Variants in SEC14L1 observed in about 807,000 individuals in gnomAD.
SEC14L1 encodes SEC14-like protein 1.
A neutral mutation model predicts 85.3 loss-of-function variants in SEC14L1; 48 were observed. The ratio of observed to expected loss-of-function variants is 0.56; its 90% confidence interval spans 0.45 to 0.72. SEC14L1 has a LOEUF of 0.72. Among genes scored for constraint, SEC14L1 ranks in the 30% least tolerant of loss-of-function variants. SEC14L1 has a pLI of 0.00. For missense variants in SEC14L1, 682 were observed against 921.4 expected (o/e 0.74, Z 3.36); for synonymous variants, 391 against 355.5 (o/e 1.10, Z -1.12).
intron 3 of SEC14L1, among the ~76,000 whole-genome samples, chr17:77,111,331 G>T (rs1972040804): frequency 6.6e-6 from 1 of 152,004 alleles, no homozygotes; most frequent in Non-Finnish European, 1.5e-5. Flanking sequence ...AAAGACGTGG[G>T]ATTGATAGAA....
chr17:77,103,643 T>C (rs1971833542), intron 3 of SEC14L1, among the ~76,000 whole-genome samples: 1 of 149,144 alleles, frequency 6.7e-6, no homozygotes. Flanking sequence ...TATTTTGCCA[T>C]GTTGGCCAGG....
intron 3 of SEC14L1, among the ~76,000 whole-genome samples, chr17:77,117,758 T>C (rs1429968821): frequency 6.6e-6 from 1 of 152,226 alleles, no homozygotes; most frequent in East Asian, 1.9e-4. Context: ...TTTTGGTCTT[T>C]GAGACTCCCT....
intron 3 of SEC14L1, among the ~76,000 whole-genome samples, chr17:77,186,907 G>A (rs1336828832): frequency 1.3e-5 from 2 of 152,122 alleles, no homozygotes; most frequent in Non-Finnish European, 2.9e-5. Flanking sequence ...TAACACCAAA[G>A]GTTTCTTCCT....
intron 2 of SEC14L1, among the ~76,000 whole-genome samples, chr17:77,090,819 T>G (rs1160480396): frequency 6.6e-6 from 1 of 151,946 alleles, no homozygotes; most frequent in East Asian, 1.9e-4. Flanking sequence ...AGACCTTGTC[T>G]CTATGCAAAA....
chr17:77,096,522 A>C (rs1039144140), intron 3 of SEC14L1, among the ~76,000 whole-genome samples: 2 of 149,782 alleles, frequency 1.3e-5, no homozygotes, highest in Non-Finnish European at 3.0e-5. Flanking sequence ...GCGCCACTAC[A>C]CTCCAGCCTG....
chr17:77,166,649 T>C (rs1452232085), intron 3 of SEC14L1, among the ~76,000 whole-genome samples: 1 of 152,002 alleles, frequency 6.6e-6, no homozygotes, highest in Non-Finnish European at 1.5e-5. Context: ...AGACCAGCCT[T>C]GCCAACATGG....
intron 3 of SEC14L1, among the ~76,000 whole-genome samples, chr17:77,129,745 G>C (rs930121421): frequency 1.3e-5 from 2 of 152,170 alleles, no homozygotes; most frequent in African/African-American, 4.8e-5. Flanking sequence ...AATGGATTGA[G>C]GCTGCTTGAC....
At chr17:77,139,160 A>ATTTTTT, upstream of SEC14L1, among the ~76,000 whole-genome samples, 1 of 120,164 alleles carries the variant, frequency 8.3e-6, no homozygotes, top group Non-Finnish European at 1.7e-5. Context: ...GGTCAGGTGA[A>ATTTTTT]TTTTTTTTTT....
At chr17:77,133,383 C>T (rs1029073541) in intron 3 of SEC14L1, among the ~76,000 whole-genome samples, 3 of 152,218 alleles carry the variant, frequency 2.0e-5, no homozygotes, top group Non-Finnish European at 4.4e-5. Context: ...GCCCACCTGT[C>T]GGTGCCTATG....
intron 3 of SEC14L1, among the ~76,000 whole-genome samples, chr17:77,172,096 G>A (rs184108603): frequency 3.9e-5 from 6 of 152,058 alleles, no homozygotes; most frequent in Admixed American, 2.6e-4. Flanking sequence ...TTTTACTCCC[G>A]AAATAAAAAG....
At chr17:77,175,478 T>C (rs760201612) in intron 3 of SEC14L1, among the ~76,000 whole-genome samples, 1 of 152,254 alleles carries the variant, frequency 6.6e-6, no homozygotes, top group Non-Finnish European at 1.5e-5. Context: ...TGCACATAAC[T>C]GTTGCTATGC....
At chr17:77,158,798 C>CTTTTTTTTTTTTTTTTTTTT (rs34186028) in intron 3 of SEC14L1, among the ~76,000 whole-genome samples, 4 of 39,192 alleles carry the variant, frequency 1.0e-4, no homozygotes, top group African/African-American at 2.2e-4. Flanking sequence ...GCTTTCTTTC[C>CTTTTTTTTTTTTTTTTTTTT]TTTTTTTTTT....
chr17:77,145,054 G>A (rs1973218768), intron 3 of SEC14L1: 1 of 152,038 alleles, frequency 6.6e-6, no homozygotes, highest in Non-Finnish European at 1.5e-5. Context: ...GATTACAGGT[G>A]CCTGCCCCCG....
At chr17:77,105,652 T>C (rs1971898488) in intron 3 of SEC14L1, among the ~76,000 whole-genome samples, 1 of 152,118 alleles carries the variant, frequency 6.6e-6, no homozygotes, top group Non-Finnish European at 1.5e-5. Context: ...CAAAGAAAGA[T>C]TCACAGGAGA....
At position 77,193,424 on chromosome 17, in the gene SEC14L1, C is replaced by T. The variant is rs1387744977; in HGVS notation, c.349C>T (p.His117Tyr). The T allele has an allele frequency of 1.3e-6, 2 of 1,597,496 alleles. No homozygotes were observed. Among genetic ancestry groups the T allele is most frequent in the African/African-American group, 1.3e-5 (1 of 74,754 alleles). Residue 117 changes from histidine to tyrosine, a missense_variant, in exon 6 of 17, where the codon CAC becomes TAC. Physicochemically the swap from His to Tyr is moderately conservative, Grantham distance 83 (BLOSUM62 2). This residue lies in a region of SEC14L1 where 139 missense variants were observed against 201.3 expected (regional missense o/e 0.69). Transcript: ENST00000436233. ...AGTGCTTTCTCTTTATCTGCAGGTTCACCCTGAAAATGAAGATTGGACCTG... is the reference window on the plus strand; with the variant it reads ...AGTGCTTTCTCTTTATCTGCAGGTTTACCCTGAAAATGAAGATTGGACCTG... ...IINEHCCYTV[H>Y]PENEDWTCFE...
In SEC14L1 at chr17:77,214,477, C is replaced by A. The variant is rs928744430; in HGVS notation, c.*454C>A. 5 of 1,000,350 alleles carry A rather than the reference C, an allele frequency of 5.0e-6. No homozygotes were observed. The highest frequency in any genetic ancestry group is 6.0e-6 in the Non-Finnish European group (5 of 838,304). The allele number at this position is 1,000,350 out of a possible 1,614,324, so 62.0% of individuals were successfully genotyped here. A position where few individuals can be genotyped will look rare whatever the true frequency, so the allele number is the denominator to read the frequency against. On this transcript the variant is annotated 3_prime_UTR_variant, in exon 17 of 17. Transcript: ENST00000436233. ...CCAAGCTGCCTCATGGCCCGCACGC[C>A]GCCTCACGGCCCCCATGCTTCCCGC...
upstream of SEC14L1, among the ~76,000 whole-genome samples, chr17:77,137,230 A>T (rs754946107): frequency 6.6e-6 from 1 of 152,184 alleles, no homozygotes; most frequent in Non-Finnish European, 1.5e-5. Context: ...GTAATTTCTT[A>T]GTATCATTAT....
chr17:77,146,766 A>T (rs1973330378), intron 3 of SEC14L1, among the ~76,000 whole-genome samples: 1 of 152,214 alleles, frequency 6.6e-6, no homozygotes, highest in African/African-American at 2.4e-5. Flanking sequence ...TAGTATAAAG[A>T]AAACATTTTT....
At chr17:77,148,632 C>T (rs928887343) in intron 3 of SEC14L1, among the ~76,000 whole-genome samples, 5 of 152,132 alleles carry the variant, frequency 3.3e-5, no homozygotes, top group Non-Finnish European at 7.4e-5. Flanking sequence ...CCTTCAGGAA[C>T]CAAGGCACCT....
Sources: gnomAD v4.1 joint callset for allele counts (sites outside exome capture counted in the v4.1 genomes callset) on GRCh38, gnomAD v4.1.1 for gene constraint, gnomAD v4.1.1 regional missense constraint, MANE v1.5 for transcripts, NCBI Gene and HGNC (gene_info 2026-07-23, HGNC 2026-07-21) for gene names.